KIF3A: variants seen among roughly 807,000 people sequenced by gnomAD.
KIF3A encodes kinesin-like protein KIF3A.
In KIF3A, 27 loss-of-function variants were observed where a neutral mutation model predicts 92.6. The ratio of observed to expected loss-of-function variants is 0.29; its 90% CI spans 0.21 to 0.40. The LOEUF (loss-of-function observed/expected upper bound fraction) is 0.40. Among genes scored for constraint, KIF3A ranks in the 10% least tolerant of loss-of-function variants. KIF3A has a pLI of 1.00. For synonymous variants in KIF3A, 250 were observed against 275.4 expected (o/e 0.91, Z 0.92); for missense variants, 581 against 872.6 (o/e 0.67, Z 4.21).
chr5:132,733,522 G>C (rs1291376404), intron 2 of KIF3A, among the ~76,000 whole-genome samples: 1 of 152,224 alleles, frequency 6.6e-6, no homozygotes, highest in Non-Finnish European at 1.5e-5. Context: ...AAATCCCAGG[G>C]CTTTGAAAGG....
intron 8 of KIF3A, among the ~76,000 whole-genome samples, chr5:132,715,207 A>T (rs1017064293): frequency 6.6e-6 from 1 of 152,236 alleles, no homozygotes; most frequent in East Asian, 1.9e-4. Flanking sequence ...TCACTCTCAT[A>T]AATAAGATCT....
rs1287909976 is a variant in KIF3A at position 132,703,183 on chromosome 5, C to T, written c.1467-118G>A. The T allele has an allele frequency of 4.6e-6, 4 of 865,902 alleles. No homozygotes were observed. The Admixed American group carries it at 1.2e-4, about 26-fold the overall frequency. The allele number at this position is 865,902 out of a possible 1,614,324, so 53.6% of individuals were successfully genotyped here. The stretch of plus-strand genomic sequence containing the variant: ...TCAAAATAGAAATATAATTATGTAA[C>T]ATCTCTGCCAAATTACACCACTGTG... On this transcript the variant is annotated intron_variant, in intron 12 of 18. Coordinates refer to ENST00000403231, the MANE Select transcript of KIF3A (RefSeq NM_001300791.2).
chr5:132,724,809 ATATATATATATATATATATATAT>A (rs1581094818), intron 4 of KIF3A, among the ~76,000 whole-genome samples: 2 of 10,518 alleles, frequency 1.9e-4, no homozygotes, highest in Non-Finnish European at 5.0e-4. Flanking sequence ...AAAAAAAAAT[ATATATATATATATATATATATAT>A]ATATATATAT....
chr5:132,701,552 A>G (rs1347891296), intron 15 of KIF3A, among the ~76,000 whole-genome samples: 1 of 151,738 alleles, frequency 6.6e-6, no homozygotes, highest in Non-Finnish European at 1.5e-5. Flanking sequence ...AATGCACTGG[A>G]AAGACAAATT....
intron 2 of KIF3A, among the ~76,000 whole-genome samples, chr5:132,729,505 T>C (rs1322149049): frequency 1.1e-4 from 16 of 150,976 alleles, no homozygotes; most frequent in Non-Finnish European, 3.0e-5. Context: ...ATATTCTGGG[T>C]CATAAAACAA....
intron 2 of KIF3A, among the ~76,000 whole-genome samples, chr5:132,729,037 C>G (rs1403362089): frequency 6.6e-6 from 1 of 152,116 alleles, no homozygotes; most frequent in East Asian, 1.9e-4. Context: ...AACAGAAAAT[C>G]AAACATCGTA....
rs1423262375 is a variant in KIF3A, at chr5:132,694,344, T to C, written c.*2290A>G. 1 of 152,200 alleles carries C rather than the reference T, an allele frequency of 6.6e-6. No individual in the cohort carries two copies. The highest frequency in any genetic ancestry group is 2.4e-5 in the African/African-American group (1 of 41,440). The allele number at this position is 152,200 out of a possible 1,614,324, so 9.4% of individuals were successfully genotyped here. ...TTACAGTGAGCCGAGATTGTCCCAC[T>C]GCACTCCAGCCTAGGTAATAGAGCC... On this transcript the variant is annotated 3_prime_UTR_variant, in exon 19 of 19. Transcript: ENST00000403231.
Position 132,733,734 on chromosome 5 carries a change from C to T in KIF3A, c.280+471G>A, listed in dbSNP as rs142665546. 3.9e-5 allele frequency among the ~76,000 whole-genome samples: 6 copies of T among 152,328 alleles called. No homozygotes were observed. The East Asian group carries it at 1.2e-3, about 29-fold the overall frequency. ...AAGCTATGACTGCACCACTGCACTC[C>T]AGCCTGGGCAACAGAGCAAGACCCT... On this transcript the variant is annotated intron_variant, in intron 2 of 18. Transcript: ENST00000403231.
chr5:132,706,545 C>G, intron 10 of KIF3A, 86 bp from the exon 11 acceptor site: 1 of 1,125,724 alleles, frequency 8.9e-7, no homozygotes, highest in East Asian at 2.8e-5. Context: ...CATTATTTCT[C>G]TTGTGAAACA....
intron 4 of KIF3A, among the ~76,000 whole-genome samples, chr5:132,722,189 C>T (rs1753847007): frequency 6.6e-6 from 1 of 152,106 alleles, no homozygotes; most frequent in Non-Finnish European, 1.5e-5. Flanking sequence ...CTTCCAATCA[C>T]AATATGCTAT....
intron 8 of KIF3A, among the ~76,000 whole-genome samples, chr5:132,715,165 A>G (rs1028064283): frequency 1.3e-5 from 2 of 152,146 alleles, no homozygotes; most frequent in African/African-American, 4.8e-5. Context: ...AGGTGCAAGG[A>G]CTCACTCAGC....
intron 2 of KIF3A, among the ~76,000 whole-genome samples, chr5:132,731,242 A>G (rs1754218330): frequency 2.0e-5 from 3 of 152,226 alleles, no homozygotes; most frequent in Non-Finnish European, 4.4e-5. Flanking sequence ...ATATACTTAC[A>G]TCCCTCATGA....
chr5:132,716,819 T>C (rs1370089456), intron 6 of KIF3A, 26 bp downstream of exon 6: 4 of 1,605,252 alleles, frequency 2.5e-6, no homozygotes, highest in Non-Finnish European at 3.4e-6. Flanking sequence ...AAAGAGTTAT[T>C]CCTTAAGCAG....
Position 132,715,746 on chromosome 5 carries a change from G to C in KIF3A, c.1129+11C>G. 6.3e-7 allele frequency: 1 copy of C among 1,593,848 alleles called. No homozygotes were observed. Among genetic ancestry groups the C allele is most frequent in the Non-Finnish European group, 8.6e-7 (1 of 1,167,840 alleles). ...GCCAACATAAAGATTAATATTTTGA[G>C]GAAAAGCTACCTTCTTCAAGCTTCT... On this transcript the variant is annotated intron_variant, in intron 8 of 18. Transcript: ENST00000403231.
At chr5:132,707,437 T>C (rs1581071766) in intron 10 of KIF3A, among the ~76,000 whole-genome samples, 1 of 152,210 alleles carries the variant, frequency 6.6e-6, no homozygotes, top group Non-Finnish European at 1.5e-5. Flanking sequence ...ACTTCTTGAA[T>C]TGAACAAAGT....
Position 132,737,508 on chromosome 5 carries a change from C to G in KIF3A, c.-89G>C. On this transcript the variant is annotated 5_prime_UTR_variant, in exon 1 of 19. Transcript: ENST00000403231. ...CGCAGAAAGGATGGCCAGAGACTAC[C>G]GAAACACCTCGTTGACGCTCTCGAG... 1 of 1,467,016 alleles carries G rather than the reference C, an allele frequency of 6.8e-7. No homozygotes were observed. The highest frequency in any genetic ancestry group is 9.3e-7 in the Non-Finnish European group (1 of 1,069,542). 90.9% of individuals were successfully genotyped at this position (1,467,016 alleles called of 1,614,324 possible).
intron 4 of KIF3A, among the ~76,000 whole-genome samples, chr5:132,725,674 T>C (rs780140869): frequency 6.6e-5 from 10 of 152,204 alleles, no homozygotes; most frequent in Non-Finnish European, 1.5e-4. Flanking sequence ...TATTTACTAC[T>C]ACCAACAACC....
At chr5:132,707,373 A>G (rs1753250186) in intron 10 of KIF3A, among the ~76,000 whole-genome samples, 1 of 152,194 alleles carries the variant, frequency 6.6e-6, no homozygotes, top group African/African-American at 2.4e-5. Flanking sequence ...CTTCACCAAC[A>G]CGCCCACATT....
At chr5:132,724,806 AATATATATATATATAT>A (rs1167332306) in intron 4 of KIF3A, among the ~76,000 whole-genome samples, 28 of 22,692 alleles carry the variant, frequency 1.2e-3, no homozygotes, top group African/African-American at 4.5e-3. Context: ...AAAAAAAAAA[AATATATATATATATAT>A]ATATATATAT....
Sources: allele counts gnomAD v4.1 joint callset (sites outside exome capture counted in the v4.1 genomes callset), GRCh38; gene constraint gnomAD v4.1.1; transcripts MANE v1.5; gene names NCBI Gene and HGNC (gene_info 2026-07-23, HGNC 2026-07-21).